The following OS9 variants were observed in gnomAD, a reference collection of about 807,000 sequenced individuals.
OS9 encodes the protein OS9 endoplasmic reticulum lectin.
OS9 carries 58 observed loss-of-function variants against 84.7 expected under a neutral mutation model. The ratio of observed to expected loss-of-function variants is 0.68; its 90% CI spans 0.55 to 0.85. The LOEUF (loss-of-function observed/expected upper bound fraction) is 0.85. Among genes scored for constraint, OS9 ranks in the 40% least tolerant of loss-of-function variants. OS9 has a pLI of 0.00. For missense variants in OS9, 760 were observed against 850.9 expected, an observed-to-expected ratio of 0.89 and a Z score of 1.33; for synonymous variants, 278 against 320.8, an observed-to-expected ratio of 0.87 and a Z score of 1.43.
chr12:57,696,209 G>A (rs537147645), intron 4 of OS9, 66 bp from the exon 5 acceptor site: 15 of 1,355,584 alleles, frequency 1.1e-5, no homozygotes, highest in South Asian at 7.3e-5. Context: ...CTTTGGGGAC[G>A]CAGTGCCATC....
In OS9 at chr12:57,715,851, C is replaced by T; in HGVS notation, c.671C>T (p.Thr224Ile). 1 of 1,613,932 alleles carries T rather than the reference C, an allele frequency of 6.2e-7. No individual in the cohort carries two copies. The highest frequency in any genetic ancestry group is 8.5e-7 in the Non-Finnish European group (1 of 1,179,886). Residue 224 changes from threonine to isoleucine, a missense_variant, in exon 6 of 15, where the codon ACT becomes ATT. By Grantham distance (89) the Thr-to-Ile change is moderately conservative (BLOSUM62 -1). Transcript: ENST00000315970. ...TGCTCTTATGTGCTGACCATTCGCA[C>T]TCCTCGGCTCTGCCCCCACCCTCTC... ...LSCSYVLTIR[T>I]PRLCPHPLLR... is the part of the protein sequence containing the mutation.
rs1018450200 is a variant in OS9 at position 57,719,973 on chromosome 12, C to A, written c.1601-126C>A. 71 of 858,878 alleles carry A rather than the reference C, an allele frequency of 8.3e-5. No homozygotes were observed. In the African/African-American group the frequency reaches 9.4e-4, roughly 11 times the overall value. 53.2% of individuals were successfully genotyped at this position (858,878 alleles called of 1,614,324 possible). A position where few individuals can be genotyped will look rare whatever the true frequency, so the allele number is the denominator to read the frequency against. On this transcript the variant is annotated intron_variant, in intron 12 of 14. Coordinates refer to ENST00000315970, the MANE Select transcript of OS9 (RefSeq NM_006812.4). ...GCACACATTTTTTTGAGCCCTGGCTCATATACATGTTGAGATGGAAGAGCT... is the reference window on the plus strand; with the variant it reads ...GCACACATTTTTTTGAGCCCTGGCTAATATACATGTTGAGATGGAAGAGCT...
chr12:57,709,465 A>G (rs532099346), intron 5 of OS9, among the ~76,000 whole-genome samples: 14 of 152,178 alleles, frequency 9.2e-5, no homozygotes, highest in African/African-American at 2.4e-4. Context: ...TATGATTGCT[A>G]TTGGTTTCTA....
At chr12:57,705,107 A>G (rs1441166902) in intron 5 of OS9, among the ~76,000 whole-genome samples, 3 of 152,126 alleles carry the variant, frequency 2.0e-5, no homozygotes, top group Non-Finnish European at 2.9e-5. Context: ...CCAATAGTCT[A>G]TCTATTCCTA....
intron 5 of OS9, among the ~76,000 whole-genome samples, chr12:57,698,305 C>CACTT (rs10683701): frequency 0.6 from 91,607 of 151,606 alleles, 28,266 homozygotes; most frequent in Middle Eastern, 0.7. Context: ...TCCGTTATAG[C>CACTT]ACTTCATTGT....
chr12:57,695,042 T>C (rs1953785589), intron 2 of OS9, 116 bp downstream of exon 2: 1 of 827,380 alleles, frequency 1.2e-6, no homozygotes, highest in Non-Finnish European at 2.0e-6. Context: ...AGAAGACCAC[T>C]GGAGGAGTAG....
chr12:57,702,151 T>G (rs1039113060), intron 5 of OS9, among the ~76,000 whole-genome samples: 3 of 152,178 alleles, frequency 2.0e-5, no homozygotes, highest in African/African-American at 7.2e-5. Context: ...ATTCTAACAG[T>G]CTTTAAGTGT....
At chr12:57,707,703 G>A (rs1954212531) in intron 5 of OS9, among the ~76,000 whole-genome samples, 1 of 152,114 alleles carries the variant, frequency 6.6e-6, no homozygotes, top group African/African-American at 2.4e-5. Flanking sequence ...CCCGCCACAT[G>A]TTCGTTATTT....
At chr12:57,714,971 C>T (rs1338356646) in intron 5 of OS9, among the ~76,000 whole-genome samples, 3 of 152,178 alleles carry the variant, frequency 2.0e-5, no homozygotes, top group Non-Finnish European at 4.4e-5. Context: ...TCTTTACCCT[C>T]TTTCTGAATG....
At chr12:57,712,172 C>T (rs905032143) in intron 5 of OS9, among the ~76,000 whole-genome samples, 26 of 152,024 alleles carry the variant, frequency 1.7e-4, no homozygotes, top group Non-Finnish European at 3.7e-4. Context: ...TTAGTGTGTT[C>T]TTCTTTTTCT....
chr12:57,702,545 A>G (rs1229465327), intron 5 of OS9, among the ~76,000 whole-genome samples: 1 of 152,214 alleles, frequency 6.6e-6, no homozygotes, highest in African/African-American at 2.4e-5. Flanking sequence ...ACATTGGTGT[A>G]CAAGTATCTG....
intron 13 of OS9, 41 bp downstream of exon 13, chr12:57,720,304 G>A: frequency 6.2e-7 from 1 of 1,612,216 alleles, no homozygotes; most frequent in South Asian, 1.1e-5. Context: ...CTGTCGGAAG[G>A]GCAAGCTGCC....
At chr12:57,712,544 T>C (rs1178817216) in intron 5 of OS9, among the ~76,000 whole-genome samples, 1 of 152,174 alleles carries the variant, frequency 6.6e-6, no homozygotes, top group Non-Finnish European at 1.5e-5. Context: ...TTTTAACTCT[T>C]TGTGAGATCC....
chr12:57,696,689 G>A (rs758373577), intron 5 of OS9, among the ~76,000 whole-genome samples: 1 of 151,998 alleles, frequency 6.6e-6, no homozygotes, highest in East Asian at 1.9e-4. Context: ...CCAGCTACTC[G>A]GGAGGCTGAG....
At position 57,717,946 on chromosome 12, in the gene OS9, TG is replaced by T; in HGVS notation, c.1124del (p.Gly375GlufsTer9). ...LIRFIEELKG[G>X]TKKGKPNIGQ... ...TTCGATTCATAGAGGAGCTGAAAGGTGGAACAAAAAAGGTATAGGCCGTGCT... is the reference window on the plus strand; with the variant it reads ...TTCGATTCATAGAGGAGCTGAAAGGTGAACAAAAAAGGTATAGGCCGTGCT... On this transcript the variant is annotated frameshift_variant, in exon 10 of 15. Coordinates refer to ENST00000315970, the MANE Select transcript of OS9 (RefSeq NM_006812.4). LOFTEE classifies it high-confidence loss of function. The T allele has an allele frequency of 6.2e-7, 1 of 1,611,384 alleles. No individual in the cohort carries two copies. The highest frequency in any genetic ancestry group is 8.5e-7 in the Non-Finnish European group (1 of 1,179,200).
At chr12:57,718,923 C>T (rs1029283267) in intron 11 of OS9, 70 bp from the exon 12 acceptor site, 3 of 1,127,112 alleles carry the variant, frequency 2.7e-6, no homozygotes, top group African/African-American at 3.1e-5. Flanking sequence ...GACTCTCCTA[C>T]AGAGCCCAGC....
intron 13 of OS9, 61 bp downstream of exon 13, chr12:57,720,324 G>A (rs1954638820): frequency 1.2e-6 from 2 of 1,609,602 alleles, no homozygotes; most frequent in Admixed American, 3.3e-5. Context: ...CGGAAGTGGA[G>A]GGGCTGGGAC....
In OS9 at chr12:57,715,791, G is replaced by A; in HGVS notation, c.611G>A (p.Gly204Glu). 6.2e-7 allele frequency: 1 copy of A among 1,612,884 alleles called. No homozygotes were observed. The highest frequency in any genetic ancestry group is 8.5e-7 in the Non-Finnish European group (1 of 1,179,330). Reference sequence around the variant, plus strand: ...TGTGACGAGGGTGCAGGTATCTCTGGGGACTACATCGATCGCGTGGACGAG... The same window carrying A: ...TGTGACGAGGGTGCAGGTATCTCTGAGGACTACATCGATCGCGTGGACGAG... ...FLCDEGAGIS[G>E]DYIDRVDEPL... Residue 204 changes from glycine (G) to glutamate (E), a missense_variant, in exon 6 of 15, where the codon GGG becomes GAG. Gly to Glu is a moderately conservative substitution (Grantham distance 98). Transcript: ENST00000315970.
rs200314898 is a variant in OS9, at chr12:57,719,038, C to T, written c.1456C>T (p.Arg486Trp). Reference protein sequence around the residue: ...DPDGLKKESERDRAMLALTST... With the variant: ...DPDGLKKESEWDRAMLALTST... ...AGATGGGCTGAAGAAGGAGTCAGAG[C>T]GGGATCGGGCAATGCTGGCTCTCAC... is the stretch of plus-strand genomic sequence containing the variant. Residue 486 changes from arginine to tryptophan, a missense_variant, in exon 12 of 15, where the codon CGG (arginine) becomes TGG (tryptophan). By Grantham distance (101) the Arg-to-Trp change is moderately radical. Transcript: ENST00000315970. 116 of 1,613,922 alleles carry T rather than the reference C, an allele frequency of 7.2e-5. No homozygotes were observed. The highest frequency in any genetic ancestry group is 9.5e-5 in the Non-Finnish European group (112 of 1,179,894).
Sources: gnomAD v4.1 joint callset for allele counts (sites outside exome capture counted in the v4.1 genomes callset) on GRCh38, gnomAD v4.1.1 for gene constraint, MANE v1.5 for transcripts, NCBI Gene and HGNC (gene_info 2026-07-23, HGNC 2026-07-21) for gene names.